Variants in SUGCT observed in about 807,000 individuals in gnomAD.
SUGCT encodes the protein succinyl-CoA:glutarate CoA-transferase.
A neutral mutation model predicts 55.0 loss-of-function variants in SUGCT; 41 were observed. The ratio of observed to expected loss-of-function variants is 0.74; its 90% CI spans 0.58 to 0.97. SUGCT has a LOEUF of 0.97. Among genes scored for constraint, SUGCT ranks in the 50% least tolerant of loss-of-function variants. The probability of loss-of-function intolerance (pLI) is 0.00; values close to 1 mark genes in which losing one functional copy is unlikely to be tolerated. For synonymous variants in SUGCT, 187 were observed against 200.4 expected, an observed-to-expected ratio of 0.93 and a Z score of 0.56; for missense variants, 568 against 547.8, an observed-to-expected ratio of 1.04 and a Z score of -0.37.
At chr7:40,299,233 C>T (rs1313478334) in intron 8 of SUGCT, among the ~76,000 whole-genome samples, 5 of 151,966 alleles carry the variant, frequency 3.3e-5, no homozygotes, top group Admixed American at 6.6e-5. Context: ...CTGAGTCAGA[C>T]GAAAAACAAT....
chr7:40,200,603 C>T (rs1001503077), intron 6 of SUGCT, among the ~76,000 whole-genome samples: 2 of 151,980 alleles, frequency 1.3e-5, no homozygotes, highest in Admixed American at 6.6e-5. Flanking sequence ...GTGTTTGGAA[C>T]ACTAAAAACT....
chr7:40,375,700 A>T (rs1205108400), intron 9 of SUGCT, among the ~76,000 whole-genome samples: 1 of 118,900 alleles, frequency 8.4e-6, no homozygotes, highest in Non-Finnish European at 1.8e-5. Flanking sequence ...TTTTCACCAC[A>T]GTATTTCTCA....
chr7:40,175,997 T>C (rs1358997193), intron 1 of SUGCT, among the ~76,000 whole-genome samples: 1 of 152,056 alleles, frequency 6.6e-6, no homozygotes, highest in African/African-American at 2.4e-5. Flanking sequence ...TGTGGGAGGC[T>C]GAGGTGGATG....
intron 6 of SUGCT, among the ~76,000 whole-genome samples, chr7:40,199,896 A>G (rs1187620039): frequency 6.6e-6 from 1 of 152,004 alleles, no homozygotes; most frequent in East Asian, 1.9e-4. Flanking sequence ...CATTACATAG[A>G]GTTAAAATCA....
chr7:40,575,119 C>CGGGG (rs1210366162), intron 12 of SUGCT, among the ~76,000 whole-genome samples: 4 of 99,150 alleles, frequency 4.0e-5, no homozygotes, highest in African/African-American at 1.8e-4. Flanking sequence ...AGGAGGGTGG[C>CGGGG]GGGGGTGGGG....
At chr7:40,362,173 C>T (rs1305460758) in intron 9 of SUGCT, among the ~76,000 whole-genome samples, 1 of 152,102 alleles carries the variant, frequency 6.6e-6, no homozygotes. Context: ...AATCCCAGCA[C>T]TTTGGGAGGC....
At chr7:40,294,898 T>C (rs1023137970) in intron 8 of SUGCT, among the ~76,000 whole-genome samples, 4 of 152,206 alleles carry the variant, frequency 2.6e-5, no homozygotes, top group African/African-American at 7.2e-5. Context: ...ATTTAAAAGC[T>C]AGCTTAGCTG....
At chr7:41,036,481 T>C in the SUGCT span, among the ~76,000 whole-genome samples, 2 of 152,162 alleles carry the variant, frequency 1.3e-5, no homozygotes, top group African/African-American at 2.4e-5. Flanking sequence ...ATTTATGTCA[T>C]GTCTTGACAC....
intron 12 of SUGCT, among the ~76,000 whole-genome samples, chr7:40,581,564 A>C (rs1797093321): frequency 6.6e-6 from 1 of 152,166 alleles, no homozygotes; most frequent in Non-Finnish European, 1.5e-5. Flanking sequence ...ACATGGCGTA[A>C]TTGTGGAGGG....
the SUGCT span, among the ~76,000 whole-genome samples, chr7:40,991,077 C>T: frequency 4.6e-5 from 7 of 152,306 alleles, no homozygotes; most frequent in Non-Finnish European, 5.9e-5. Context: ...CAGCTTTTGA[C>T]GTGTCTTCCT....
the SUGCT span, among the ~76,000 whole-genome samples, chr7:40,955,227 G>T: frequency 6.6e-6 from 1 of 152,140 alleles, no homozygotes; most frequent in Non-Finnish European, 1.5e-5. Context: ...ATTACTTTAA[G>T]CAGTATGGCC....
the SUGCT span, among the ~76,000 whole-genome samples, chr7:41,027,651 T>C: frequency 1.3e-4 from 20 of 152,312 alleles, no homozygotes; most frequent in South Asian, 8.3e-4. Flanking sequence ...GACATTCTCA[T>C]TCATGGCATT....
At chr7:40,906,706 G>A in the SUGCT span, among the ~76,000 whole-genome samples, 5 of 152,088 alleles carry the variant, frequency 3.3e-5, no homozygotes, top group Admixed American at 6.6e-5. Context: ...TAAAGGACTC[G>A]AACATCCTTG....
At chr7:40,793,047 A>C (rs893831119) in intron 13 of SUGCT, 1 of 152,154 alleles carries the variant, frequency 6.6e-6, no homozygotes, top group Non-Finnish European at 1.5e-5. Flanking sequence ...ATCTCCATAC[A>C]ACATTCATAT....
At chr7:40,750,927 A>G (rs1183062127) in intron 13 of SUGCT, among the ~76,000 whole-genome samples, 6 of 152,226 alleles carry the variant, frequency 3.9e-5, no homozygotes, top group Non-Finnish European at 8.8e-5. Context: ...GGTCCTAAAA[A>G]TACAAAAATA....
chr7:40,836,961 C>T (rs1370761826), intron 13 of SUGCT, among the ~76,000 whole-genome samples: 1 of 152,086 alleles, frequency 6.6e-6, no homozygotes, highest in Non-Finnish European at 1.5e-5. Context: ...TTTAGGTGTA[C>T]AGTTGCTATA....
chr7:40,751,721 C>G (rs1338798373), intron 13 of SUGCT, among the ~76,000 whole-genome samples: 1 of 152,164 alleles, frequency 6.6e-6, no homozygotes, highest in African/African-American at 2.4e-5. Flanking sequence ...CCAGTGATCA[C>G]TTAACCCCAC....
chr7:40,527,528 A>G (rs558085050), intron 12 of SUGCT, among the ~76,000 whole-genome samples: 1 of 152,304 alleles, frequency 6.6e-6, no homozygotes, highest in East Asian at 1.9e-4. Context: ...TTCTTTTTAC[A>G]TTGACTAGAA....
At chr7:40,963,796 T>C in the SUGCT span, among the ~76,000 whole-genome samples, 11 of 152,158 alleles carry the variant, frequency 7.2e-5, no homozygotes, top group Non-Finnish European at 1.3e-4. Context: ...ATCATCAAGA[T>C]AGAAGTTAAA....
Sources: gnomAD v4.1 joint callset for allele counts (sites outside exome capture counted in the v4.1 genomes callset) on GRCh38, gnomAD v4.1.1 for gene constraint, MANE v1.5 for transcripts, NCBI Gene and HGNC (gene_info 2026-07-23, HGNC 2026-07-21) for gene names.